ATG5: variants seen among roughly 807,000 people sequenced by gnomAD.
ATG5 encodes autophagy protein 5.
A neutral mutation model predicts 36.5 loss-of-function variants in ATG5; 14 were observed. The observed-to-expected ratio is 0.38, with a 90% CI of 0.25 to 0.60. The LOEUF (loss-of-function observed/expected upper bound fraction) is 0.60, where lower values mean the gene tolerates loss of function less well. Ranked by LOEUF, ATG5 falls within the 20% of genes least tolerant of loss-of-function variation. The pLI, the probability that ATG5 is intolerant of heterozygous loss-of-function variation, is 0.60. For missense variants in ATG5, 195 were observed against 326.7 expected (o/e 0.60, Z 3.11); for synonymous variants, 95 against 101.5 (o/e 0.94, Z 0.38).
At chr6:106,319,559 A>T (rs1283213895) in intron 1 of ATG5, among the ~76,000 whole-genome samples, 1 of 152,136 alleles carries the variant, frequency 6.6e-6, no homozygotes, top group Non-Finnish European at 1.5e-5. Context: ...CCTTACCCTA[A>T]AGCAGCCTTC....
intron 5 of ATG5, among the ~76,000 whole-genome samples, chr6:106,249,813 C>A (rs562815412): frequency 6.6e-6 from 1 of 152,308 alleles, no homozygotes; most frequent in East Asian, 1.9e-4. Flanking sequence ...TGGCAGGCAT[C>A]AAGAAGTATC....
At chr6:106,203,706 G>GAGT (rs1196942105) in intron 6 of ATG5, among the ~76,000 whole-genome samples, 1 of 152,148 alleles carries the variant, frequency 6.6e-6, no homozygotes, top group African/African-American at 2.4e-5. Flanking sequence ...TAAGCCTCCA[G>GAGT]AGTAGCTGGG....
At chr6:106,224,031 T>C (rs1051247757) in intron 6 of ATG5, among the ~76,000 whole-genome samples, 2 of 152,182 alleles carry the variant, frequency 1.3e-5, no homozygotes, top group Non-Finnish European at 2.9e-5. Context: ...AGAAAGAACA[T>C]CTATATGATA....
rs866313974 is a variant in ATG5, at chr6:106,288,096, G to A, written c.315+4932C>T. Among the ~76,000 whole-genome samples the A allele has an allele frequency of 9.9e-5, 15 of 151,460 alleles. No homozygotes were observed. In the East Asian group the frequency reaches 1.6e-3, roughly 16 times the overall value. ...AGCGATTCTCCTGCCTCAGCCTCCC[G>A]AGAAGCTGAGATTACAGGCACCTAC... On this transcript the variant is annotated intron_variant, in intron 4 of 7. Transcript: ENST00000369076.
At chr6:106,213,241 T>C (rs1232866423) in intron 6 of ATG5, among the ~76,000 whole-genome samples, 2 of 152,168 alleles carry the variant, frequency 1.3e-5, no homozygotes, top group African/African-American at 4.8e-5. Flanking sequence ...TGCAAACAAC[T>C]GTAATACAGT....
intron 6 of ATG5, among the ~76,000 whole-genome samples, chr6:106,235,769 T>C (rs1229001320): frequency 2.0e-5 from 2 of 98,126 alleles, no homozygotes; most frequent in African/African-American, 5.6e-5. Flanking sequence ...CCTCCCTTTG[T>C]ATGGGAGCTC....
In ATG5 at chr6:106,323,690, G is replaced by C. The variant is rs537206645; in HGVS notation, c.-59+1836C>G. Among the ~76,000 whole-genome samples, 13 of 152,178 alleles carry C rather than the reference G, an allele frequency of 8.5e-5. No homozygotes were observed. In the East Asian group the frequency reaches 2.1e-3, roughly 25 times the overall value. On this transcript the variant is annotated intron_variant, in intron 1 of 7. Coordinates refer to ENST00000369076, the MANE Select transcript of ATG5 (RefSeq NM_004849.4). ...TCAAGTCACCTCGACCTTTAACCTG[G>C]ATAAATGCAGTCAATGGCCTACTAA...
At chr6:106,251,726 A>G (rs1175190671) in intron 5 of ATG5, among the ~76,000 whole-genome samples, 1 of 146,610 alleles carries the variant, frequency 6.8e-6, no homozygotes, top group Non-Finnish European at 1.5e-5. Flanking sequence ...AAAGAAAGAG[A>G]AAGAGAAAGA....
At chr6:106,235,482 G>T (rs188293558) in intron 6 of ATG5, among the ~76,000 whole-genome samples, 1 of 150,658 alleles carries the variant, frequency 6.6e-6, no homozygotes, top group African/African-American at 2.4e-5. Flanking sequence ...TGAGTGGGGG[G>T]ACTGAGAGAC....
chr6:106,257,657 A>G (rs1778851646), intron 5 of ATG5, among the ~76,000 whole-genome samples: 1 of 152,202 alleles, frequency 6.6e-6, no homozygotes, highest in Non-Finnish European at 1.5e-5. Context: ...AGATGGTAAT[A>G]TTTATCTAAT....
chr6:106,301,704 T>C (rs1770213417), intron 3 of ATG5, among the ~76,000 whole-genome samples: 1 of 152,094 alleles, frequency 6.6e-6, no homozygotes, highest in Non-Finnish European at 1.5e-5. Context: ...ATTTCGCATT[T>C]CAGATTTTCA....
At chr6:106,188,745 G>A (rs866049366) in intron 7 of ATG5, among the ~76,000 whole-genome samples, 3 of 152,020 alleles carry the variant, frequency 2.0e-5, no homozygotes, top group Middle Eastern at 3.4e-3. Flanking sequence ...TAGAAGCTGG[G>A]GCCACTTTTA....
chr6:106,267,742 G>C (rs1024323267), intron 5 of ATG5, among the ~76,000 whole-genome samples: 1 of 152,170 alleles, frequency 6.6e-6, no homozygotes, highest in African/African-American at 2.4e-5. Context: ...AATGGGGAAA[G>C]GATTCCTATT....
chr6:106,199,414 C>T (rs183548252), intron 7 of ATG5, among the ~76,000 whole-genome samples: 4 of 152,234 alleles, frequency 2.6e-5, no homozygotes, highest in Admixed American at 1.3e-4. Flanking sequence ...TGCTTCAATA[C>T]GGATGCAACT....
At position 106,272,761 on chromosome 6, in the gene ATG5, G is replaced by A. The variant is rs537647692; in HGVS notation, c.478+6900C>T. Among the ~76,000 whole-genome samples, 6 of 152,262 alleles carry A rather than the reference G, an allele frequency of 3.9e-5. No homozygotes were observed. The South Asian group carries it at 6.2e-4, about 16-fold the overall frequency. ...CTGGCTAGCTAATCCACACTACTAC[G>A]GTCCGGGCATGATTCTCCTATAATG... is the stretch of plus-strand genomic sequence containing the variant. On this transcript the variant is annotated intron_variant, in intron 5 of 7. Coordinates refer to ENST00000369076, the MANE Select transcript of ATG5 (RefSeq NM_004849.4).
intron 7 of ATG5, among the ~76,000 whole-genome samples, chr6:106,195,518 T>G (rs962030397): frequency 9.9e-5 from 15 of 151,978 alleles, no homozygotes; most frequent in African/African-American, 3.6e-4. Flanking sequence ...TAATACGTAA[T>G]AAAAAGAAGA....
chr6:106,317,244 C>T (rs1435222261), intron 1 of ATG5, among the ~76,000 whole-genome samples: 2 of 152,160 alleles, frequency 1.3e-5, no homozygotes, highest in Non-Finnish European at 2.9e-5. Context: ...CACCTGGATA[C>T]TAAGATTCAA....
intron 5 of ATG5, among the ~76,000 whole-genome samples, chr6:106,255,907 A>T (rs1778781338): frequency 6.6e-6 from 1 of 152,210 alleles, no homozygotes; most frequent in Non-Finnish European, 1.5e-5. Flanking sequence ...ATTTATAACC[A>T]ATAACCTCCT....
intron 6 of ATG5, among the ~76,000 whole-genome samples, chr6:106,223,301 T>C (rs1028306536): frequency 6.6e-6 from 1 of 152,210 alleles, no homozygotes; most frequent in African/African-American, 2.4e-5. Flanking sequence ...AAAAAGCAAC[T>C]GAAGTCCTAG....
Sources: gnomAD v4.1 joint callset for allele counts (sites outside exome capture counted in the v4.1 genomes callset) on GRCh38, gnomAD v4.1.1 for gene constraint, MANE v1.5 for transcripts, NCBI Gene and HGNC (gene_info 2026-07-23, HGNC 2026-07-21) for gene names.